Variants in DOCK8 observed in about 807,000 individuals in gnomAD.
DOCK8 encodes dedicator of cytokinesis 8.
Under a neutral mutation model 245.6 loss-of-function variants are expected in DOCK8, and 141 were observed. That is an observed-to-expected ratio of 0.57 (90% CI 0.50 to 0.66). DOCK8 has a LOEUF of 0.66. DOCK8 is among the 30% of genes least tolerant of loss of function. The pLI is 0.00. For synonymous variants in DOCK8, 1,168 were observed against 970.2 expected (o/e 1.20, Z -3.79); for missense variants, 2,965 against 2,603.4 (o/e 1.14, Z -3.02).
At chr9:324,828 A>T (rs1226797663) in intron 7 of DOCK8, among the ~76,000 whole-genome samples, 1 of 152,094 alleles carries the variant, frequency 6.6e-6, no homozygotes, top group Non-Finnish European at 1.5e-5. Flanking sequence ...TATCCTTTAA[A>T]TTTTTTTATT....
chr9:399,176 AG>A lies in DOCK8; in HGVS notation c.3152del (p.Ser1051ThrfsTer42), dbSNP rs1299681081. On this transcript the variant is annotated frameshift_variant, in exon 26 of 48. Coordinates refer to ENST00000432829, the MANE Select transcript of DOCK8 (RefSeq NM_203447.4). LOFTEE classifies it high-confidence loss of function. Reference sequence around the variant, plus strand: ...TGAACAGGCGGAAAAGATGAACATCAGCCTGGCTTTCTTCTTGTATGACCTT... The same window carrying A: ...TGAACAGGCGGAAAAGATGAACATCACCTGGCTTTCTTCTTGTATGACCTT... ...ENEQAEKMNI[S>X]LAFFLYDLLS... 6.2e-7 allele frequency: 1 copy of A among 1,614,070 alleles called. No homozygotes were observed. The highest frequency in any genetic ancestry group is 2.2e-5 in the East Asian group (1 of 44,888).
chr9:303,812 T>G (rs1388106232), intron 4 of DOCK8, among the ~76,000 whole-genome samples: 1 of 152,094 alleles, frequency 6.6e-6, no homozygotes, highest in African/African-American at 2.4e-5. Flanking sequence ...TGGAAAAAAA[T>G]AAAAGATAAG....
intron 18 of DOCK8, among the ~76,000 whole-genome samples, chr9:374,401 CTT>C (rs1417466161): frequency 1.4e-5 from 2 of 138,778 alleles, no homozygotes; most frequent in Non-Finnish European, 3.1e-5. Context: ...TTGAAACAGT[CTT>C]TAGGCTGTAT....
At chr9:263,851 G>T (rs2047978498) in intron 1 of DOCK8, among the ~76,000 whole-genome samples, 1 of 152,190 alleles carries the variant, frequency 6.6e-6, no homozygotes, top group African/African-American at 2.4e-5. Flanking sequence ...AAGATAATGT[G>T]TCTTTTCCCT....
At position 331,545 on chromosome 9, in the gene DOCK8, C is replaced by T. The variant is rs979108766; in HGVS notation, c.1045-853C>T. On this transcript the variant is annotated intron_variant, in intron 9 of 47. Coordinates refer to ENST00000432829, the MANE Select transcript of DOCK8 (RefSeq NM_203447.4). ...TGTACTGTGTTGACCCAAATTCTTT[C>T]TTCAAGGATCATCTCAACTGATGGG... Among the ~76,000 whole-genome samples the T allele has an allele frequency of 2.0e-5, 3 of 152,192 alleles. No homozygotes were observed. The East Asian group carries it at 5.8e-4, about 29-fold the overall frequency.
At chr9:306,929 A>C (rs928249641) in intron 5 of DOCK8, among the ~76,000 whole-genome samples, 1 of 151,914 alleles carries the variant, frequency 6.6e-6, no homozygotes, top group African/African-American at 2.4e-5. Context: ...AGAGGGAAAA[A>C]CCTCATGAAG....
intron 42 of DOCK8, among the ~76,000 whole-genome samples, chr9:442,348 G>C (rs2057119278): frequency 6.6e-6 from 1 of 152,188 alleles, no homozygotes; most frequent in Non-Finnish European, 1.5e-5. Flanking sequence ...TATACTAGTA[G>C]ATAGAGAGTA....
At chr9:328,684 C>G (rs553592230) in intron 9 of DOCK8, among the ~76,000 whole-genome samples, 70 of 151,098 alleles carry the variant, frequency 4.6e-4, no homozygotes, top group African/African-American at 1.6e-3. Context: ...CAGCCTCTTA[C>G]AAGCTGAAGC....
intron 7 of DOCK8, among the ~76,000 whole-genome samples, chr9:324,573 G>A (rs868695039): frequency 3.3e-5 from 5 of 152,106 alleles, no homozygotes; most frequent in African/African-American, 9.7e-5. Flanking sequence ...GCCAATATGA[G>A]GGCTCATCTT....
intron 46 of DOCK8, among the ~76,000 whole-genome samples, chr9:458,760 G>C (rs527785269): frequency 3.9e-5 from 6 of 152,266 alleles, no homozygotes; most frequent in African/African-American, 1.4e-4. Context: ...GCAGTGAGCT[G>C]AGATCATGCC....
chr9:227,216 C>T (rs1021967655), intron 1 of DOCK8, among the ~76,000 whole-genome samples: 2 of 152,176 alleles, frequency 1.3e-5, no homozygotes, highest in Admixed American at 1.3e-4. Flanking sequence ...GATTTCCATC[C>T]TGGTCAAATG....
Position 336,564 on chromosome 9 carries a change from C to G in DOCK8, c.1286-18C>G. The stretch of plus-strand genomic sequence containing the variant: ...AACAGAAAGGCATACTTTGGAGTGA[C>G]AATTGTTTTTCTTAAAGGGAGAAGC... On this transcript the variant is annotated intron_variant, in intron 11 of 47. Coordinates refer to ENST00000432829, the MANE Select transcript of DOCK8 (RefSeq NM_203447.4). The G allele has an allele frequency of 6.2e-7, 1 of 1,613,914 alleles. No individual in the cohort carries two copies. The highest frequency in any genetic ancestry group is 8.5e-7 in the Non-Finnish European group (1 of 1,179,862).
intron 29 of DOCK8, among the ~76,000 whole-genome samples, chr9:417,047 C>T (rs2056052179): frequency 6.6e-6 from 1 of 152,194 alleles, no homozygotes; most frequent in Admixed American, 6.5e-5. Flanking sequence ...GTAATCCCAG[C>T]ACTTTGGGAG....
At chr9:305,772 G>A (rs151078083) in intron 5 of DOCK8, among the ~76,000 whole-genome samples, 1 of 152,202 alleles carries the variant, frequency 6.6e-6, no homozygotes, top group African/African-American at 2.4e-5. Flanking sequence ...GCATAAAACG[G>A]CCAAAGAACA....
Position 414,764 on chromosome 9 carries a change from C to T in DOCK8, c.3531-18C>T, listed in dbSNP as rs2055906581. On this transcript the variant is annotated intron_variant, in intron 28 of 47. Coordinates refer to ENST00000432829, the MANE Select transcript of DOCK8 (RefSeq NM_203447.4). ...TTCCTTTCACCATAACCTCTTGATT[C>T]CTGTGTTGTGCCAACAGAATCAGCA... is the stretch of plus-strand genomic sequence containing the variant. 1 of 1,614,120 alleles carries T rather than the reference C, an allele frequency of 6.2e-7. No individual in the cohort carries two copies. The highest frequency in any genetic ancestry group is 1.3e-5 in the African/African-American group (1 of 75,040).
chr9:238,160 A>G (rs1052488720), intron 1 of DOCK8, among the ~76,000 whole-genome samples: 1 of 152,214 alleles, frequency 6.6e-6, no homozygotes, highest in East Asian at 1.9e-4. Flanking sequence ...AATAATAACA[A>G]TGCACAGAGC....
intron 1 of DOCK8, among the ~76,000 whole-genome samples, chr9:243,471 C>T (rs2047425746): frequency 6.6e-6 from 1 of 152,166 alleles, no homozygotes; most frequent in South Asian, 2.1e-4. Context: ...AAATGAATTT[C>T]AGATGCAAAG....
At chr9:259,209 A>G (rs542371750) in intron 1 of DOCK8, among the ~76,000 whole-genome samples, 27 of 152,194 alleles carry the variant, frequency 1.8e-4, no homozygotes, top group Middle Eastern at 6.8e-3. Context: ...GGACTGAGGT[A>G]GGAGGATCTC....
chr9:217,776 C>A (rs1038109668), intron 1 of DOCK8, among the ~76,000 whole-genome samples: 3 of 152,102 alleles, frequency 2.0e-5, no homozygotes, highest in Admixed American at 2.0e-4. Context: ...TCACAAAAAG[C>A]CTATCAAACT....
Sources: gnomAD v4.1 joint callset for allele counts (sites outside exome capture counted in the v4.1 genomes callset) on GRCh38, gnomAD v4.1.1 for gene constraint, MANE v1.5 for transcripts, NCBI Gene and HGNC (gene_info 2026-07-23, HGNC 2026-07-21) for gene names.